Variants in PCDH15 observed in about 807,000 individuals in gnomAD.
PCDH15 encodes the protein protocadherin-15.
A neutral mutation model predicts 178.5 loss-of-function variants in PCDH15; 129 were observed. The ratio of observed to expected loss-of-function variants is 0.72; its 90% CI spans 0.63 to 0.84. The LOEUF (loss-of-function observed/expected upper bound fraction) is 0.84. Among genes scored for constraint, PCDH15 ranks in the 40% least tolerant of loss-of-function variants. The pLI, the probability that PCDH15 is intolerant of heterozygous loss-of-function variation, is 0.00. For missense variants in PCDH15, 2,230 were observed against 2,099.9 expected (o/e 1.06, Z -1.21); for synonymous variants, 800 against 732.0 (o/e 1.09, Z -1.50).
At chr10:54,247,933 AG>A (rs2056131993) in intron 8 of PCDH15, among the ~76,000 whole-genome samples, 1 of 136,260 alleles carries the variant, frequency 7.3e-6, no homozygotes, top group Non-Finnish European at 1.5e-5. Flanking sequence ...GATGCATGAA[AG>A]AATATATATA....
At chr10:54,710,084 A>C (rs2095413069) in intron 1 of PCDH15, among the ~76,000 whole-genome samples, 1 of 151,914 alleles carries the variant, frequency 6.6e-6, no homozygotes, top group Admixed American at 6.6e-5. Context: ...ATACACATTT[A>C]AATGTGTCCT....
Position 54,830,883 on chromosome 10 carries a change from T to G in PCDH15, c.-29+66567A>C, listed in dbSNP as rs942346430. Among the ~76,000 whole-genome samples, 8 of 152,044 alleles carry G rather than the reference T, an allele frequency of 5.3e-5. 1 individual carries two copies. Among genetic ancestry groups the G allele is most frequent in the Admixed American group, 3.3e-4 (5 of 15,236 alleles). The stretch of plus-strand genomic sequence containing the variant: ...TGAAAAAAGAACTCCAGCAAATCAC[T>G]TGTCTGCTTTCCTCAACTTCTAGTA... On this transcript the variant is annotated intron_variant, in intron 3 of 5. Transcript: ENST00000458638.
chr10:54,195,936 T>C (rs771143483), intron 10 of PCDH15, 47 bp from the exon 11 acceptor site: 1 of 1,553,876 alleles, frequency 6.4e-7, no homozygotes, highest in Non-Finnish European at 8.8e-7. Flanking sequence ...TATGTCGTGC[T>C]ATCTTTTTGG....
At chr10:53,828,806 G>T (rs1459749190) in intron 30 of PCDH15, among the ~76,000 whole-genome samples, 2 of 151,990 alleles carry the variant, frequency 1.3e-5, no homozygotes, top group African/African-American at 4.8e-5. Flanking sequence ...GAAAAATAAA[G>T]AAATGAACTA....
At chr10:54,917,845 A>C (rs931144520) in intron 2 of PCDH15, among the ~76,000 whole-genome samples, 1 of 152,204 alleles carries the variant, frequency 6.6e-6, no homozygotes, top group Non-Finnish European at 1.5e-5. Context: ...CAAATGGTTT[A>C]AAAAATAAAA....
At chr10:54,707,256 A>G (rs1464168254) in intron 1 of PCDH15, among the ~76,000 whole-genome samples, 1 of 152,204 alleles carries the variant, frequency 6.6e-6, no homozygotes, top group Non-Finnish European at 1.5e-5. Flanking sequence ...TGCAAACTCC[A>G]GGGACAGTAA....
intron 2 of PCDH15, among the ~76,000 whole-genome samples, chr10:55,612,811 C>A (rs1053016311): frequency 1.3e-5 from 2 of 152,094 alleles, no homozygotes; most frequent in African/African-American, 4.8e-5. Context: ...TAGTGTAATT[C>A]CTACAAATTC....
chr10:55,540,331 G>C (rs1348765217), intron 2 of PCDH15, among the ~76,000 whole-genome samples: 3 of 152,014 alleles, frequency 2.0e-5, no homozygotes, highest in East Asian at 3.9e-4. Flanking sequence ...CCACCCCATA[G>C]ATGAAATATC....
At chr10:54,891,613 G>T (rs1341772967) in intron 3 of PCDH15, among the ~76,000 whole-genome samples, 1 of 152,110 alleles carries the variant, frequency 6.6e-6, no homozygotes, top group Admixed American at 6.6e-5. Context: ...ACATGCCTTT[G>T]AGAATTCTGA....
intron 1 of PCDH15, among the ~76,000 whole-genome samples, chr10:54,736,465 G>T (rs1944136047): frequency 6.6e-6 from 1 of 152,094 alleles, no homozygotes; most frequent in South Asian, 2.1e-4. Flanking sequence ...TCTTGGTCAT[G>T]CTATGACCAT....
chr10:55,017,629 C>T (rs537473069), intron 2 of PCDH15, among the ~76,000 whole-genome samples: 48 of 152,068 alleles, frequency 3.2e-4, no homozygotes, highest in African/African-American at 1.1e-3. Context: ...AGTAGAATAT[C>T]CTCTATATGC....
chr10:55,551,162 GC>G (rs1250895041), intron 2 of PCDH15, among the ~76,000 whole-genome samples: 2 of 151,984 alleles, frequency 1.3e-5, no homozygotes, highest in African/African-American at 4.8e-5. Flanking sequence ...TAGTGTCACT[GC>G]AGGGTAAAAT....
intron 3 of PCDH15, among the ~76,000 whole-genome samples, chr10:54,478,206 C>T (rs2078423445): frequency 6.6e-6 from 1 of 152,000 alleles, no homozygotes; most frequent in South Asian, 2.1e-4. Flanking sequence ...TAGAGTGAGG[C>T]TGCTAGTTGG....
chr10:55,509,972 G>A (rs1001576507), intron 2 of PCDH15, among the ~76,000 whole-genome samples: 1 of 151,932 alleles, frequency 6.6e-6, no homozygotes, highest in Non-Finnish European at 1.5e-5. Context: ...CAGTTTAATA[G>A]TGAAGGCAGG....
intron 2 of PCDH15, among the ~76,000 whole-genome samples, chr10:55,043,289 A>G (rs968243238): frequency 3.3e-5 from 5 of 152,046 alleles, no homozygotes; most frequent in Non-Finnish European, 5.9e-5. Flanking sequence ...TTGTCTTGGA[A>G]TCATCTGTCC....
chr10:54,995,685 C>A (rs1299574299), intron 2 of PCDH15, among the ~76,000 whole-genome samples: 1 of 151,436 alleles, frequency 6.6e-6, no homozygotes, highest in East Asian at 2.0e-4. Context: ...AAGAAAGTTA[C>A]GTTTGTCTTA....
At chr10:55,302,729 T>C (rs1254502489) in intron 1 of PCDH15, among the ~76,000 whole-genome samples, 2 of 152,194 alleles carry the variant, frequency 1.3e-5, no homozygotes, top group African/African-American at 2.4e-5. Flanking sequence ...CTGGATACCA[T>C]GTCCTAACCT....
At chr10:55,259,457 T>C (rs1443737976) in intron 1 of PCDH15, among the ~76,000 whole-genome samples, 2 of 152,188 alleles carry the variant, frequency 1.3e-5, no homozygotes, top group African/African-American at 4.8e-5. Context: ...GCCAGGCCAC[T>C]GTGTAAGATG....
chr10:54,628,592 T>A (rs1334114704), intron 2 of PCDH15, among the ~76,000 whole-genome samples: 1 of 152,180 alleles, frequency 6.6e-6, no homozygotes, highest in Non-Finnish European at 1.5e-5. Context: ...TAAGCATCAA[T>A]TGAAATACGG....
Sources: gnomAD v4.1 joint callset for allele counts (sites outside exome capture counted in the v4.1 genomes callset) on GRCh38, gnomAD v4.1.1 for gene constraint, MANE v1.5 for transcripts, NCBI Gene and HGNC (gene_info 2026-07-23, HGNC 2026-07-21) for gene names.